KLF8: variants seen among roughly 807,000 people sequenced by gnomAD.
KLF8 encodes Krueppel-like factor 8.
A neutral mutation model predicts 18.2 loss-of-function variants in KLF8; 10 were observed. The observed-to-expected ratio is 0.55, with a 90% CI of 0.34 to 0.93. KLF8 has a LOEUF of 0.93. KLF8 is among the 40% of genes least tolerant of loss of function. The pLI is 0.02. For missense variants in KLF8, 264 were observed against 277.9 expected, an observed-to-expected ratio of 0.95 and a Z score of 0.36; for synonymous variants, 109 against 97.3, an observed-to-expected ratio of 1.12 and a Z score of -0.71.
At chrX:56,238,853 G>A in intron 1 of KLF8, among the ~76,000 whole-genome samples, 1 of 112,082 alleles carries the variant, frequency 8.9e-6, no homozygotes, top group African/African-American at 3.2e-5. Flanking sequence ...GTCATTTACT[G>A]GGTGTCTACA....
At chrX:56,145,050 C>T in the KLF8 span, among the ~76,000 whole-genome samples, 1 of 110,770 alleles carries the variant, frequency 9.0e-6, no homozygotes, top group South Asian at 3.9e-4. Context: ...ACCTTGACAT[C>T]CCAAAGTCCT....
the KLF8 span, among the ~76,000 whole-genome samples, chrX:56,185,337 A>T: frequency 8.9e-6 from 1 of 112,122 alleles, no homozygotes; most frequent in Non-Finnish European, 1.9e-5. Context: ...AAGAATAAAA[A>T]GAAATGTGCA....
Position 56,267,009 on chromosome X carries a change from A to G in KLF8, c.646+1265A>G, listed in dbSNP as rs2066981221. 5 of 754,062 alleles carry G rather than the reference A, an allele frequency of 6.6e-6. No homozygotes were observed. In the South Asian group the frequency reaches 3.4e-4, roughly 51 times the overall value. The allele number at this position is 754,062 out of a possible 1,213,427, so 62.1% of individuals were successfully genotyped here. The stretch of plus-strand genomic sequence containing the variant: ...CATATATGAAGGGAGAGCCAAACAA[A>G]CAAACCAAAAAAAGGAAACAAACAA... On this transcript the variant is annotated intron_variant, in intron 3 of 5. Coordinates refer to ENST00000468660, the MANE Select transcript of KLF8 (RefSeq NM_007250.5).
chrX:56,130,866 A>T, the KLF8 span, among the ~76,000 whole-genome samples: 1 of 112,075 alleles, frequency 8.9e-6, no homozygotes, highest in Non-Finnish European at 1.9e-5. Context: ...AATGTACTGG[A>T]AAGTCTCACC....
At chrX:55,991,197 C>T in the KLF8 span, among the ~76,000 whole-genome samples, 27,098 of 111,372 alleles carry the variant, frequency 0.24, 2,604 homozygotes, top group Middle Eastern at 0.46. Context: ...ACTCAAGCCT[C>T]GGCAATGGCA....
the KLF8 span, among the ~76,000 whole-genome samples, chrX:56,085,723 G>A: frequency 1.8e-5 from 2 of 112,116 alleles, no homozygotes; most frequent in Non-Finnish European, 3.8e-5. Context: ...AAACACACAT[G>A]CAATATTTTT....
chrX:56,231,723 G>T (rs766340434), upstream of KLF8, among the ~76,000 whole-genome samples: 1 of 111,460 alleles, frequency 9.0e-6, no homozygotes, highest in African/African-American at 3.3e-5. Flanking sequence ...TGTGGATTCA[G>T]CTTTACGGGG....
At chrX:56,029,529 AT>A in the KLF8 span, among the ~76,000 whole-genome samples, 1 of 111,186 alleles carries the variant, frequency 9.0e-6, no homozygotes, top group East Asian at 2.8e-4. Context: ...TCAGCACGGT[AT>A]TGACCAAAAA....
the KLF8 span, among the ~76,000 whole-genome samples, chrX:56,133,391 G>A: frequency 2.7e-5 from 3 of 111,629 alleles, no homozygotes; most frequent in Admixed American, 1.9e-4. Context: ...GATACACCAC[G>A]TAAACAGAAT....
the KLF8 span, among the ~76,000 whole-genome samples, chrX:55,935,476 T>C: frequency 8.9e-6 from 1 of 112,380 alleles, no homozygotes; most frequent in Non-Finnish European, 1.9e-5. Context: ...AGAGGAACTA[T>C]TTACTTGTAA....
chrX:55,942,082 G>A, the KLF8 span, among the ~76,000 whole-genome samples: 1 of 111,465 alleles, frequency 9.0e-6, no homozygotes, highest in South Asian at 3.8e-4. Flanking sequence ...GTTGATTGTG[G>A]CACTATTCAC....
chrX:55,921,089 A>G, the KLF8 span, among the ~76,000 whole-genome samples: 2 of 112,469 alleles, frequency 1.8e-5, no homozygotes, highest in African/African-American at 3.2e-5. Flanking sequence ...GAATGAACAG[A>G]CAACCTACAG....
At chrX:56,009,803 T>TCACA in the KLF8 span, among the ~76,000 whole-genome samples, 1 of 112,057 alleles carries the variant, frequency 8.9e-6, no homozygotes, top group Non-Finnish European at 1.9e-5. Context: ...CACAGAAACT[T>TCACA]CACAATGCAA....
chrX:55,924,826 T>A, the KLF8 span, among the ~76,000 whole-genome samples: 1 of 106,415 alleles, frequency 9.4e-6, no homozygotes, highest in Non-Finnish European at 1.9e-5. Context: ...GGTGGTTTTT[T>A]TTTTGTTTTG....
the KLF8 span, among the ~76,000 whole-genome samples, chrX:56,052,580 G>C: frequency 8.9e-5 from 10 of 111,768 alleles, no homozygotes; most frequent in Non-Finnish European, 1.3e-4. Flanking sequence ...TAGGCTGCCC[G>C]GGGGTCAGGG....
chrX:56,044,835 C>T, the KLF8 span, among the ~76,000 whole-genome samples: 1 of 112,526 alleles, frequency 8.9e-6, no homozygotes, highest in Non-Finnish European at 1.9e-5. Flanking sequence ...ATGATGCTGC[C>T]TGGCTTCCAG....
the KLF8 span, among the ~76,000 whole-genome samples, chrX:55,949,705 C>T: frequency 1.8e-5 from 2 of 109,090 alleles, no homozygotes; most frequent in South Asian, 4.0e-4. Context: ...GCAGGAGAAT[C>T]GCTTAAACCC....
At chrX:56,160,982 C>A in the KLF8 span, among the ~76,000 whole-genome samples, 53 of 111,214 alleles carry the variant, frequency 4.8e-4, no homozygotes, top group East Asian at 6.2e-3. Flanking sequence ...TTCTTCCTAG[C>A]CTCGATGGTC....
the KLF8 span, among the ~76,000 whole-genome samples, chrX:56,055,405 T>G: frequency 8.9e-6 from 1 of 111,978 alleles, no homozygotes; most frequent in Non-Finnish European, 1.9e-5. Context: ...ATATTGTCTT[T>G]CCAGTAGGGT....
Sources: allele counts gnomAD v4.1 joint callset (sites outside exome capture counted in the v4.1 genomes callset), GRCh38; gene constraint gnomAD v4.1.1; transcripts MANE v1.5; gene names NCBI Gene and HGNC (gene_info 2026-07-23, HGNC 2026-07-21).